The following TAFA2 variants were observed in gnomAD, a reference collection of about 807,000 sequenced individuals.
TAFA2 encodes the protein TAFA chemokine like family member 2.
TAFA2 carries 7 observed loss-of-function variants against 18.8 expected under a neutral mutation model. That is an observed-to-expected ratio of 0.37 (90% CI 0.21 to 0.70). The LOEUF (loss-of-function observed/expected upper bound fraction) is 0.70, where lower values mean the gene tolerates loss of function less well. TAFA2 is among the 30% of genes least tolerant of loss of function. TAFA2 has a pLI of 0.53. For synonymous variants in TAFA2, 60 were observed against 54.2 expected (o/e 1.11, Z -0.47); for missense variants, 122 against 158.1 (o/e 0.77, Z 1.23).
intron 2 of TAFA2, among the ~76,000 whole-genome samples, chr12:61,761,999 C>T (rs1869570301): frequency 6.6e-6 from 1 of 152,002 alleles, no homozygotes; most frequent in African/African-American, 2.4e-5. Context: ...CTCTCTTCCT[C>T]CTGCTCTGGG....
intron 1 of TAFA2, among the ~76,000 whole-genome samples, chr12:62,248,324 CAT>C (rs561486046): frequency 2.0e-4 from 31 of 152,320 alleles, no homozygotes; most frequent in Admixed American, 6.5e-4. Flanking sequence ...GAACATGACA[CAT>C]GAGTTGTAAT....
intron 1 of TAFA2, among the ~76,000 whole-genome samples, chr12:62,207,662 C>A (rs2062697845): frequency 1.3e-5 from 2 of 152,296 alleles, no homozygotes; most frequent in African/African-American, 4.8e-5. Flanking sequence ...AACATCTGAA[C>A]CACAGTGGTT....
chr12:61,976,922 A>G (rs1465987056), intron 1 of TAFA2, among the ~76,000 whole-genome samples: 1 of 151,964 alleles, frequency 6.6e-6, no homozygotes, highest in African/African-American at 2.4e-5. Flanking sequence ...CCAGTCTATC[A>G]TTGATGGACA....
intron 1 of TAFA2, among the ~76,000 whole-genome samples, chr12:62,126,479 C>T (rs554914714): frequency 6.6e-6 from 1 of 152,186 alleles, no homozygotes; most frequent in South Asian, 2.1e-4. Flanking sequence ...GGTTTGTTTT[C>T]TCACTAGGAT....
At chr12:61,879,606 A>C (rs998372941) in intron 1 of TAFA2, 8 of 785,022 alleles carry the variant, frequency 1.0e-5, no homozygotes, top group Middle Eastern at 2.8e-4. Flanking sequence ...GAAGGAGCAG[A>C]TCAAGACATT....
At chr12:61,912,093 A>G (rs1876635309) in intron 1 of TAFA2, among the ~76,000 whole-genome samples, 1 of 152,212 alleles carries the variant, frequency 6.6e-6, no homozygotes, top group Admixed American at 6.5e-5. Context: ...AAACTTCAGA[A>G]CAACTCTGTA....
At chr12:62,234,062 C>A (rs1156932445) in intron 1 of TAFA2, among the ~76,000 whole-genome samples, 2 of 152,202 alleles carry the variant, frequency 1.3e-5, no homozygotes, top group African/African-American at 4.8e-5. Context: ...TGCCTTCATA[C>A]ACCTCTGAAT....
intron 1 of TAFA2, among the ~76,000 whole-genome samples, chr12:62,005,977 A>G (rs1400358793): frequency 2.0e-5 from 3 of 152,186 alleles, no homozygotes; most frequent in Non-Finnish European, 4.4e-5. Context: ...TTTCCTATCA[A>G]GCTCTATTAA....
intron 1 of TAFA2, among the ~76,000 whole-genome samples, chr12:61,886,160 G>A (rs1391751806): frequency 6.6e-6 from 1 of 152,136 alleles, no homozygotes; most frequent in Non-Finnish European, 1.5e-5. Flanking sequence ...TTTAGGCTCA[G>A]ACCTCCCTCT....
intron 1 of TAFA2, among the ~76,000 whole-genome samples, chr12:61,985,767 G>T (rs1369221315): frequency 6.6e-6 from 1 of 152,180 alleles, no homozygotes; most frequent in Non-Finnish European, 1.5e-5. Flanking sequence ...ACGGAATTAT[G>T]ATTTTCAGCA....
chr12:62,212,425 C>A (rs1035356248), intron 1 of TAFA2, among the ~76,000 whole-genome samples: 1 of 152,164 alleles, frequency 6.6e-6, no homozygotes, highest in Non-Finnish European at 1.5e-5. Flanking sequence ...ACATTTTCAT[C>A]TCTTTATGAT....
intron 1 of TAFA2, among the ~76,000 whole-genome samples, chr12:62,231,594 A>G (rs1047778191): frequency 6.6e-6 from 1 of 152,200 alleles, no homozygotes; most frequent in African/African-American, 2.4e-5. Flanking sequence ...GTAAAGACTT[A>G]CTACTGCTAT....
At chr12:62,193,042 C>A (rs1192077332), upstream of TAFA2, among the ~76,000 whole-genome samples, 8 of 152,286 alleles carry the variant, frequency 5.3e-5, no homozygotes, top group East Asian at 1.2e-3. Flanking sequence ...GCTAAAGGAA[C>A]GTCGTGATAT....
chr12:61,763,153 G>A (rs747410653), intron 2 of TAFA2, among the ~76,000 whole-genome samples: 2 of 152,032 alleles, frequency 1.3e-5, no homozygotes, highest in East Asian at 3.9e-4. Flanking sequence ...AATTTCAAAA[G>A]TTCTCATAAT....
intron 1 of TAFA2, among the ~76,000 whole-genome samples, chr12:62,246,725 TAA>T (rs1261830466): frequency 1.3e-5 from 2 of 152,210 alleles, no homozygotes; most frequent in African/African-American, 4.8e-5. Context: ...TTTTTTCTAA[TAA>T]GTCTTTTTCC....
At chr12:62,125,699 G>A (rs964281796) in intron 1 of TAFA2, among the ~76,000 whole-genome samples, 3 of 152,010 alleles carry the variant, frequency 2.0e-5, no homozygotes, top group African/African-American at 7.2e-5. Context: ...TTCCTGTGAG[G>A]AGTCGCACAA....
At chr12:62,215,622 G>A (rs1309472953) in intron 1 of TAFA2, among the ~76,000 whole-genome samples, 1 of 122,700 alleles carries the variant, frequency 8.1e-6, no homozygotes, top group African/African-American at 3.1e-5. Flanking sequence ...GAAACAACTC[G>A]TTTATCAAAA....
chr12:61,750,883 T>C (rs1269280591), intron 4 of TAFA2, among the ~76,000 whole-genome samples: 1 of 152,166 alleles, frequency 6.6e-6, no homozygotes, highest in Non-Finnish European at 1.5e-5. Context: ...TGAGTTATTT[T>C]GTAACCTATT....
intron 1 of TAFA2, among the ~76,000 whole-genome samples, chr12:61,974,453 G>T (rs1261392965): frequency 2.0e-5 from 3 of 151,608 alleles, no homozygotes; most frequent in Non-Finnish European, 4.4e-5. Context: ...CAACAGAAGG[G>T]GTGGTTGAAT....
Sources: allele counts gnomAD v4.1 joint callset (sites outside exome capture counted in the v4.1 genomes callset), GRCh38; gene constraint gnomAD v4.1.1; transcripts MANE v1.5; gene names NCBI Gene and HGNC (gene_info 2026-07-23, HGNC 2026-07-21).